The following PHLDB1 variants were observed in gnomAD, a reference collection of about 807,000 sequenced individuals.
PHLDB1 encodes pleckstrin homology like domain family B member 1, also known as pleckstrin homology-like domain family B member 1.
A neutral mutation model predicts 139.3 loss-of-function variants in PHLDB1; 65 were observed. That is an observed-to-expected ratio of 0.47 (90% CI 0.38 to 0.57). PHLDB1 has a LOEUF of 0.57. Ranked by LOEUF, PHLDB1 falls within the 20% of genes least tolerant of loss-of-function variation. The pLI, the probability that PHLDB1 is intolerant of heterozygous loss-of-function variation, is 0.00. For synonymous variants in PHLDB1, 679 were observed against 734.5 expected (o/e 0.92, Z 1.22); for missense variants, 1,624 against 1,839.7 (o/e 0.88, Z 2.14).
chr11:118,632,864 T>C lies in PHLDB1; in HGVS notation c.2379+568T>C. On this transcript the variant is annotated intron_variant, in intron 9 of 22. Coordinates refer to ENST00000600882, the MANE Select transcript of PHLDB1 (RefSeq NM_001144758.3). The surrounding 1 kb of genome is among the most constrained non-coding windows in gnomAD (Gnocchi z 5.9). ...ATGCCCAACACCGTGCCAAAAGCTC[T>C]GAAGTGGAGAGGGGTCATCTATTTC... is the stretch of plus-strand genomic sequence containing the variant. 2 of 983,936 alleles carry C rather than the reference T, an allele frequency of 2.0e-6. No individual in the cohort carries two copies. The highest frequency in any genetic ancestry group is 2.4e-6 in the Non-Finnish European group (2 of 828,468). The allele number at this position is 983,936 out of a possible 1,614,324, so 61.0% of individuals were successfully genotyped here. A position where few individuals can be genotyped will look rare whatever the true frequency, so the allele number is the denominator to read the frequency against.
In PHLDB1 at chr11:118,628,118, G is replaced by C. The variant is rs141245340; in HGVS notation, c.1295G>C (p.Gly432Ala). Residue 432 changes from glycine to alanine, a missense_variant, in exon 6 of 23, where the codon GGG becomes GCG. Gly to Ala is a moderately conservative substitution (Grantham distance 60, BLOSUM62 0). Coordinates refer to ENST00000600882, the MANE Select transcript of PHLDB1 (RefSeq NM_001144758.3). ...CTGGTGGGCCGAACATTTTCAGATG[G>C]GTTAGCCACCCGTACCCTGCAGCCT... is the stretch of plus-strand genomic sequence containing the variant. ...RQLVGRTFSD[G>A]LATRTLQPPE... 31 of 1,614,006 alleles carry C rather than the reference G, an allele frequency of 1.9e-5. No individual in the cohort carries two copies. In the South Asian group the frequency reaches 3.2e-4, roughly 17 times the overall value.
In PHLDB1 at chr11:118,631,485, A is replaced by G. The variant is rs782447576; in HGVS notation, c.2100+6A>G. The G allele has an allele frequency of 2.1e-6, 3 of 1,421,116 alleles. No individual in the cohort carries two copies. The South Asian group carries it at 5.1e-5, about 24-fold the overall frequency. 88.0% of individuals were successfully genotyped at this position (1,421,116 alleles called of 1,614,324 possible). A position where few individuals can be genotyped will look rare whatever the true frequency, so the allele number is the denominator to read the frequency against. Reference sequence around the variant, plus strand: ...CTGAGAGCACCCAGCAGGAGGTGAGATGGAGGGGTAGGCAAGACAAAGAGG... The same window carrying G: ...CTGAGAGCACCCAGCAGGAGGTGAGGTGGAGGGGTAGGCAAGACAAAGAGG... On this transcript the variant is annotated splice_donor_region_variant and intron_variant, in intron 7 of 22. Transcript: ENST00000600882.
intron 1 of PHLDB1, among the ~76,000 whole-genome samples, chr11:118,612,369 A>G (rs1940627357): frequency 6.6e-6 from 1 of 152,088 alleles, no homozygotes; most frequent in Non-Finnish European, 1.5e-5. Flanking sequence ...TAAACTCCCC[A>G]TTCCCAACCC....
At chr11:118,630,439 G>A (rs77282565) in intron 6 of PHLDB1, among the ~76,000 whole-genome samples, 2 of 152,348 alleles carry the variant, frequency 1.3e-5, no homozygotes, top group East Asian at 3.9e-4. Context: ...ACAGCCAAGG[G>A]CTGCCTGAGG....
chr11:118,645,910 A>G lies in PHLDB1; in HGVS notation c.3507+85A>G, dbSNP rs1947417221. ...TGTCAAGGGCCTGTGCTCCACCCCA[A>G]GCCCTTCCACCCACATTAGCCTTGC... On this transcript the variant is annotated intron_variant, in intron 17 of 22. Transcript: ENST00000600882. The surrounding 1 kb of genome is among the most constrained non-coding windows in gnomAD (Gnocchi z 5.1). 3.4e-6 allele frequency: 3 copies of G among 873,064 alleles called. No homozygotes were observed. The East Asian group carries it at 7.3e-5, about 21-fold the overall frequency. The allele number at this position is 873,064 out of a possible 1,614,324, so 54.1% of individuals were successfully genotyped here. A position where few individuals can be genotyped will look rare whatever the true frequency, so the allele number is the denominator to read the frequency against.
At chr11:118,631,530 G>T in intron 7 of PHLDB1, 51 bp downstream of exon 7, 1 of 1,383,904 alleles carries the variant, frequency 7.2e-7, no homozygotes, top group African/African-American at 1.5e-5. Flanking sequence ...GACCTGCTGG[G>T]GGCAGAGGAG....
rs782596905 is a variant in PHLDB1 at position 118,628,500 on chromosome 11, G to A, written c.1677G>A (p.Gln559=). The A allele has an allele frequency of 9.3e-6, 15 of 1,613,170 alleles. No homozygotes were observed. Among genetic ancestry groups the A allele is most frequent in the Admixed American group, 1.7e-5 (1 of 60,010 alleles). The change falls in exon 6 of 23, where the codon CAG becomes CAA. Residue 559 remains glutamine (Q), a synonymous_variant. Transcript: ENST00000600882. ...CACCCTGCCAGAGTCCCTGTGTCCA[G>A]AGGAAGCTCTCCAGCGGGGACTTGC... The part of the protein sequence containing the change: ...GASPCQSPCV[Q]RKLSSGDLRV...
chr11:118,628,106 C>T lies in PHLDB1; in HGVS notation c.1283C>T (p.Thr428Ile), dbSNP rs543573912. The T allele has an allele frequency of 6.2e-7, 1 of 1,614,048 alleles. No homozygotes were observed. The highest frequency in any genetic ancestry group is 2.2e-5 in the East Asian group (1 of 44,860). The part of the protein sequence containing the change: ...TSPSRQLVGR[T>I]FSDGLATRTL... ...CCCTCACGCCAACTGGTGGGCCGAACATTTTCAGATGGGTTAGCCACCCGT... is the reference window on the plus strand; with the variant it reads ...CCCTCACGCCAACTGGTGGGCCGAATATTTTCAGATGGGTTAGCCACCCGT... The change falls in exon 6 of 23, where the codon ACA (threonine) becomes ATA (isoleucine). Residue 428 changes from threonine (T) to isoleucine (I), a missense_variant. Transcript: ENST00000600882.
intron 4 of PHLDB1, among the ~76,000 whole-genome samples, chr11:118,618,662 T>C (rs1262766212): frequency 6.6e-6 from 1 of 152,030 alleles, no homozygotes; most frequent in Non-Finnish European, 1.5e-5. Flanking sequence ...ACCCCACTAG[T>C]CATATGCCTA....
At chr11:118,619,340 G>A (rs150344861) in intron 4 of PHLDB1, among the ~76,000 whole-genome samples, 73 of 152,340 alleles carry the variant, frequency 4.8e-4, no homozygotes, top group African/African-American at 1.7e-3. Context: ...AGGGCCAGCA[G>A]AGGAGTGTGG....
At chr11:118,628,716 C>A in intron 6 of PHLDB1, 66 bp downstream of exon 6, 1 of 1,484,170 alleles carries the variant, frequency 6.7e-7, no homozygotes, top group East Asian at 2.4e-5. Context: ...TCGAGCAGGC[C>A]AGCTGGCAGA....
chr11:118,632,490 C>T lies in PHLDB1; in HGVS notation c.2379+194C>T, dbSNP rs1944961994. ...CCAGCTTGGAGGGCACTGCCAGGGGCTGGGCTGGTGTCTGGGGTCTCCTCT... is the reference window on the plus strand; with the variant it reads ...CCAGCTTGGAGGGCACTGCCAGGGGTTGGGCTGGTGTCTGGGGTCTCCTCT... On this transcript the variant is annotated intron_variant, in intron 9 of 22. Transcript: ENST00000600882. The surrounding 1 kb of genome is among the most constrained non-coding windows in gnomAD (Gnocchi z 5.9). 1.5e-6 allele frequency: 1 copy of T among 645,536 alleles called. No individual in the cohort carries two copies. The highest frequency in any genetic ancestry group is 1.8e-5 in the African/African-American group (1 of 54,874). The allele number at this position is 645,536 out of a possible 1,614,324, so 40.0% of individuals were successfully genotyped here.
intron 6 of PHLDB1, among the ~76,000 whole-genome samples, 166 bp from the exon 7 acceptor site, chr11:118,631,041 C>G (rs1357612026): frequency 6.6e-6 from 1 of 150,904 alleles, no homozygotes; most frequent in African/African-American, 2.4e-5. Flanking sequence ...ACCTTGTTTC[C>G]CTCTGCCTCC....
In PHLDB1 at chr11:118,616,057, C is replaced by T. The variant is rs1555088980; in HGVS notation, c.201C>T (p.Gly67=). ...TGTCTCCAGGGAGGACGGTGATTGGCTCTGCAGCCAGAGACATCTCACTAC... is the reference window on the plus strand; with the variant it reads ...TGTCTCCAGGGAGGACGGTGATTGGTTCTGCAGCCAGAGACATCTCACTAC... The part of the protein sequence containing the change: ...LPLEEGRTVI[G]SAARDISLQG... Residue 67 remains glycine, a synonymous_variant, in exon 4 of 23, where the codon GGC becomes GGT. Coordinates refer to ENST00000600882, the MANE Select transcript of PHLDB1 (RefSeq NM_001144758.3). The T allele has an allele frequency of 6.2e-7, 1 of 1,613,400 alleles. No individual in the cohort carries two copies. The highest frequency in any genetic ancestry group is 1.7e-5 in the Admixed American group (1 of 59,956).
At chr11:118,647,317 A>C (rs1555130021) in intron 17 of PHLDB1, 1 of 152,294 alleles carries the variant, frequency 6.6e-6, no homozygotes, top group Admixed American at 6.5e-5. Context: ...TCCAACTGGA[A>C]TCAGTGATGG....
intron 1 of PHLDB1, among the ~76,000 whole-genome samples, chr11:118,609,279 CACACACACAGCCCCAGTT>C: frequency 6.9e-6 from 1 of 145,008 alleles, no homozygotes; most frequent in African/African-American, 2.6e-5. Context: ...CAGCCCAGCT[CACACACACAGCCCCAGTT>C]ACACACACAG....
At chr11:118,613,920 G>T (rs782210887) in intron 2 of PHLDB1, 24 bp downstream of exon 2, 3 of 1,471,188 alleles carry the variant, frequency 2.0e-6, no homozygotes, top group Non-Finnish European at 2.9e-6. Context: ...GGGCTGTGAG[G>T]CAAGAGAGAT....
At position 118,645,754 on chromosome 11, in the gene PHLDB1, G is replaced by A; in HGVS notation, c.3436G>A (p.Gly1146Arg). The change falls in exon 17 of 23, where the codon GGG (glycine) becomes AGG (arginine). Residue 1146 changes from glycine (G) to arginine (R), a missense_variant. By Grantham distance (125) the Gly-to-Arg change is moderately radical. Coordinates refer to ENST00000600882, the MANE Select transcript of PHLDB1 (RefSeq NM_001144758.3). This position sits in a 1 kb window ranked among gnomAD's most constrained non-coding sequence, Gnocchi z 5.1. ...CCCCAGCGCGAGTGGTCTGGACATG[G>A]GGAAGATCGAGGAGATGGAGAAGAT... ...NMSSASGLDM[G>R]KIEEMEKMLK... The A allele has an allele frequency of 6.2e-7, 1 of 1,613,874 alleles. No homozygotes were observed. Among genetic ancestry groups the A allele is most frequent in the Non-Finnish European group, 8.5e-7 (1 of 1,179,798 alleles).
In PHLDB1 at chr11:118,650,809, A is replaced by ACGGCGACCACCG; in HGVS notation, c.3874+262_3874+263insCGGCGACCACCG. The ACGGCGACCACCG allele has an allele frequency of 5.9e-6, 3 of 507,164 alleles. No individual in the cohort carries two copies. The highest frequency in any genetic ancestry group is 2.3e-5 in the South Asian group (1 of 43,470). 31.4% of individuals were successfully genotyped at this position (507,164 alleles called of 1,614,324 possible). On this transcript the variant is annotated intron_variant, in intron 20 of 22. Transcript: ENST00000600882. The surrounding 1 kb of genome is among the most constrained non-coding windows in gnomAD (Gnocchi z 4.7). ...ACTGTTCTAGGCTCTGGTGATGAGT[A>ACGGCGACCACCG]AGATGGCCACAGCGCTCTCATGGAG...
Sources: allele counts gnomAD v4.1 joint callset (sites outside exome capture counted in the v4.1 genomes callset), GRCh38; gene constraint gnomAD v4.1.1; non-coding constraint Gnocchi (gnomAD v3.1); transcripts MANE v1.5; gene names NCBI Gene and HGNC (gene_info 2026-07-23, HGNC 2026-07-21).